The following ADAM23 variants were observed in gnomAD, a reference collection of about 807,000 sequenced individuals.
ADAM23 encodes the protein ADAM metallopeptidase domain 23.
Under a neutral mutation model 120.1 loss-of-function variants are expected in ADAM23, and 33 were observed. That is an observed-to-expected ratio of 0.27 (90% CI 0.21 to 0.37). ADAM23 has a LOEUF of 0.37. ADAM23 is among the 10% of genes least tolerant of loss of function. The pLI, the probability that ADAM23 is intolerant of heterozygous loss-of-function variation, is 1.00. For synonymous variants in ADAM23, 367 were observed against 375.2 expected, an observed-to-expected ratio of 0.98 and a Z score of 0.25; for missense variants, 862 against 1,058.2, an observed-to-expected ratio of 0.81 and a Z score of 2.57.
chr2:206,599,998 G>C (rs570478970), intron 24 of ADAM23, among the ~76,000 whole-genome samples: 2 of 152,114 alleles, frequency 1.3e-5, no homozygotes, highest in African/African-American at 2.4e-5. Context: ...TCAGGAGATC[G>C]AGACCATCCT....
chr2:206,450,521 A>C (rs1574473884), intron 2 of ADAM23, among the ~76,000 whole-genome samples: 1 of 152,210 alleles, frequency 6.6e-6, no homozygotes, highest in East Asian at 1.9e-4. Context: ...AAAATTCAAA[A>C]GGACCCTCAA....
At position 206,511,170 on chromosome 2, in the gene ADAM23, T is replaced by C. The variant is rs577495682; in HGVS notation, c.510-19715T>C. Among the ~76,000 whole-genome samples the C allele has an allele frequency of 1.9e-4, 29 of 152,308 alleles. 1 individual carries two copies. The highest frequency in any genetic ancestry group is 6.3e-4 in the African/African-American group (26 of 41,586). On this transcript the variant is annotated intron_variant, in intron 3 of 25. Transcript: ENST00000264377. ...TACTATTTATTTTTTATTTCATTTTTTTCTCTCCTGAGCTTTGCCAGCTGC... is the reference window on the plus strand; with the variant it reads ...TACTATTTATTTTTTATTTCATTTTCTTCTCTCCTGAGCTTTGCCAGCTGC...
intron 9 of ADAM23, among the ~76,000 whole-genome samples, chr2:206,551,024 T>C (rs1174366745): frequency 6.6e-6 from 1 of 152,232 alleles, no homozygotes; most frequent in Non-Finnish European, 1.5e-5. Context: ...TCATTGTTCC[T>C]CATTTTCCCC....
At chr2:206,521,888 T>A (rs748965223) in intron 3 of ADAM23, among the ~76,000 whole-genome samples, 24 of 152,186 alleles carry the variant, frequency 1.6e-4, no homozygotes, top group Non-Finnish European at 2.8e-4. Context: ...TTTTCCTACA[T>A]CCTTGCCAGC....
intron 18 of ADAM23, among the ~76,000 whole-genome samples, chr2:206,586,895 G>A (rs1430670564): frequency 6.6e-6 from 1 of 152,148 alleles, no homozygotes; most frequent in Non-Finnish European, 1.5e-5. Flanking sequence ...TTTCACTAAA[G>A]TAGCCTATAG....
intron 3 of ADAM23, among the ~76,000 whole-genome samples, chr2:206,503,338 G>A (rs1345086186): frequency 6.6e-6 from 1 of 152,068 alleles, no homozygotes; most frequent in Admixed American, 6.6e-5. Context: ...GAAGGTACTT[G>A]TCTGAAAGTT....
chr2:206,463,317 T>TAG (rs1695465518), intron 2 of ADAM23, among the ~76,000 whole-genome samples: 2 of 152,154 alleles, frequency 1.3e-5, no homozygotes, highest in East Asian at 3.9e-4. Context: ...AACAGAGGTT[T>TAG]GAGTGATGCG....
At chr2:206,467,515 G>T (rs1695564382) in intron 2 of ADAM23, among the ~76,000 whole-genome samples, 1 of 152,226 alleles carries the variant, frequency 6.6e-6, no homozygotes, top group African/African-American at 2.4e-5. Context: ...CTGTTGTGAG[G>T]TGTGGCTCCC....
chr2:206,620,395 A>C lies in ADAM23; in HGVS notation c.*2768A>C, dbSNP rs1699032199. 1 of 152,160 alleles carries C rather than the reference A, an allele frequency of 6.6e-6. No individual in the cohort carries two copies. The highest frequency in any genetic ancestry group is 1.5e-5 in the Non-Finnish European group (1 of 68,020). The allele number at this position is 152,160 out of a possible 1,614,324, so 9.4% of individuals were successfully genotyped here. On this transcript the variant is annotated 3_prime_UTR_variant, in exon 26 of 26. Transcript: ENST00000264377. Reference sequence around the variant, plus strand: ...TTAAGCTATGTGTGTATGAATATGAAAGTTAATGCAACCATATCAATTGTA... The same window carrying C: ...TTAAGCTATGTGTGTATGAATATGACAGTTAATGCAACCATATCAATTGTA...
chr2:206,521,220 G>A (rs1026533346), intron 3 of ADAM23, among the ~76,000 whole-genome samples: 1 of 152,036 alleles, frequency 6.6e-6, no homozygotes, highest in African/African-American at 2.4e-5. Flanking sequence ...ACGGTGAGAG[G>A]CATTTTGTTT....
At chr2:206,454,175 A>G (rs751169581) in intron 2 of ADAM23, among the ~76,000 whole-genome samples, 1 of 152,208 alleles carries the variant, frequency 6.6e-6, no homozygotes, top group Non-Finnish European at 1.5e-5. Context: ...TTTAATTAAC[A>G]CATAGTTCCA....
At chr2:206,571,657 A>C (rs1309229819) in intron 16 of ADAM23, 70 bp from the exon 17 acceptor site, 1 of 1,066,694 alleles carries the variant, frequency 9.4e-7, no homozygotes, top group Non-Finnish European at 1.5e-6. Context: ...TATGCATGCC[A>C]CGTGTGGAGA....
intron 24 of ADAM23, among the ~76,000 whole-genome samples, chr2:206,604,471 A>G (rs545811035): frequency 2.2e-4 from 33 of 151,646 alleles, no homozygotes; most frequent in Admixed American, 8.6e-4. Context: ...GTGGGGAAAC[A>G]TTGCTGCCAC....
chr2:206,464,283 GT>G (rs11366664), intron 2 of ADAM23, among the ~76,000 whole-genome samples: 42,671 of 152,000 alleles, frequency 0.28, 6,097 homozygotes, highest in South Asian at 0.32. Context: ...TGAAAATAAA[GT>G]TGAATTTTGA....
chr2:206,567,278 T>G lies in ADAM23; in HGVS notation c.1450T>G (p.Leu484Val), dbSNP rs1262038997. 6.2e-7 allele frequency: 1 copy of G among 1,613,882 alleles called. No individual in the cohort carries two copies. The highest frequency in any genetic ancestry group is 8.5e-7 in the Non-Finnish European group (1 of 1,179,914). The change falls in exon 15 of 26, where the codon TTA becomes GTA. Residue 484 changes from leucine to valine, a missense_variant. Physicochemically the swap from Leu to Val is conservative, Grantham distance 32. Around this residue, in one of 4 missense-constraint regions of ADAM23, gnomAD observed 617 missense variants for 813.5 expected, o/e 0.76. Transcript: ENST00000264377. ...KCSILEYRDF[L>V]QRGGGACLFN... ...CAGCATTTTGGAGTATAGAGACTTT[T>G]TACAGAGAGGAGGTGGAGCCTGCCT...
chr2:206,462,030 C>T (rs1032833230), intron 2 of ADAM23, among the ~76,000 whole-genome samples: 2 of 152,102 alleles, frequency 1.3e-5, no homozygotes, highest in Non-Finnish European at 2.9e-5. Flanking sequence ...GGGGATCACA[C>T]TGCCTCGATT....
At chr2:206,543,210 G>A in intron 5 of ADAM23, 43 bp from the exon 6 acceptor site, 1 of 1,570,056 alleles carries the variant, frequency 6.4e-7, no homozygotes, top group South Asian at 1.1e-5. Context: ...GCCATTTCCT[G>A]TGTTTGTTTA....
At chr2:206,573,754 A>G (rs1698055749) in intron 18 of ADAM23, among the ~76,000 whole-genome samples, 1 of 152,162 alleles carries the variant, frequency 6.6e-6, no homozygotes, top group African/African-American at 2.4e-5. Flanking sequence ...GCAGGCTTTC[A>G]GTCACCACTT....
rs1186812585 is a variant in ADAM23, at chr2:206,590,104, C to CT, written c.1958+600dup. The stretch of plus-strand genomic sequence containing the variant: ...CACATTGATATTTCTTTCTCCCTTT[C>CT]TTTTTTTTTTCGAGACTGAGTCTCG... On this transcript the variant is annotated intron_variant, in intron 21 of 25. Coordinates refer to ENST00000264377, the MANE Select transcript of ADAM23 (RefSeq NM_003812.4). 4.7e-3 allele frequency among the ~76,000 whole-genome samples: 694 copies of CT among 149,088 alleles called. 5 individuals carry two copies. Among genetic ancestry groups the CT allele is most frequent in the African/African-American group, 0.016 (647 of 40,714 alleles).
Sources: allele counts gnomAD v4.1 joint callset (sites outside exome capture counted in the v4.1 genomes callset), GRCh38; gene constraint gnomAD v4.1.1; regional missense constraint gnomAD v4.1.1; transcripts MANE v1.5; gene names NCBI Gene and HGNC (gene_info 2026-07-23, HGNC 2026-07-21).